Variants in CBLB observed in about 807,000 individuals in gnomAD.
The protein encoded by CBLB is Cbl proto-oncogene B.
CBLB carries 31 observed loss-of-function variants against 104.9 expected under a neutral mutation model. That is an observed-to-expected ratio of 0.30 (90% CI 0.22 to 0.40). The LOEUF (loss-of-function observed/expected upper bound fraction) is 0.40. CBLB is among the 10% of genes least tolerant of loss of function. The pLI, the probability that CBLB is intolerant of heterozygous loss-of-function variation, is 1.00. For synonymous variants in CBLB, 440 were observed against 422.6 expected (o/e 1.04, Z -0.51); for missense variants, 1,062 against 1,214.6 (o/e 0.87, Z 1.87).
chr3:105,830,271 A>T (rs557807110), intron 3 of CBLB, among the ~76,000 whole-genome samples: 119 of 152,234 alleles, frequency 7.8e-4, no homozygotes, highest in Admixed American at 1.3e-3. Flanking sequence ...TTGCCTAATA[A>T]GATTGCCCAT....
Position 105,819,732 on chromosome 3 carries a change from T to G in CBLB, c.419+33682A>C, listed in dbSNP as rs570359633. ...TGGACTCACTGTCTTACATAGAGAG[T>G]CTCAAACCATTCCAAAACTTCATTG... On this transcript the variant is annotated intron_variant, in intron 3 of 18. Coordinates refer to ENST00000394030, the MANE Select transcript of CBLB (RefSeq NM_170662.5). 2.0e-5 allele frequency among the ~76,000 whole-genome samples: 3 copies of G among 152,136 alleles called. No homozygotes were observed. The South Asian group carries it at 6.2e-4, about 32-fold the overall frequency.
At chr3:105,666,230 C>T (rs2064441192) in intron 18 of CBLB, among the ~76,000 whole-genome samples, 1 of 152,024 alleles carries the variant, frequency 6.6e-6, no homozygotes, top group Non-Finnish European at 1.5e-5. Context: ...ACCTTCTCAA[C>T]TATAACAATA....
intron 9 of CBLB, among the ~76,000 whole-genome samples, chr3:105,720,495 A>G (rs1164180803): frequency 6.6e-6 from 1 of 152,204 alleles, no homozygotes; most frequent in African/African-American, 2.4e-5. Flanking sequence ...TGATTTTCCC[A>G]AGAGAAGAAA....
intron 3 of CBLB, among the ~76,000 whole-genome samples, chr3:105,809,529 G>T (rs2083983616): frequency 1.3e-5 from 2 of 152,070 alleles, no homozygotes. Flanking sequence ...AGTCTACCAA[G>T]AATCACAAGC....
intron 7 of CBLB, among the ~76,000 whole-genome samples, chr3:105,739,039 C>G (rs972902281): frequency 6.6e-6 from 1 of 152,108 alleles, no homozygotes; most frequent in Non-Finnish European, 1.5e-5. Flanking sequence ...TCCAGAGTAG[C>G]GAGGACTACC....
intron 4 of CBLB, among the ~76,000 whole-genome samples, chr3:105,752,846 G>C (rs1032076293): frequency 6.6e-6 from 1 of 152,178 alleles, no homozygotes; most frequent in African/African-American, 2.4e-5. Context: ...GGTGGGGCCT[G>C]AACACTGACA....
intron 3 of CBLB, among the ~76,000 whole-genome samples, chr3:105,847,392 C>CCACACACACACACA (rs112192218): frequency 2.5e-4 from 36 of 143,538 alleles, no homozygotes; most frequent in Middle Eastern, 3.6e-3. Context: ...TAACCCTCCA[C>CCACACACACACACA]CACACACACA....
intron 16 of CBLB, 151 bp from the exon 17 acceptor site, chr3:105,678,722 G>C: frequency 1.2e-6 from 1 of 852,208 alleles, no homozygotes; most frequent in Non-Finnish European, 1.9e-6. Context: ...TTGATAATGG[G>C]ATCTAATTAT....
intron 10 of CBLB, among the ~76,000 whole-genome samples, chr3:105,704,422 A>G (rs766820141): frequency 1.3e-5 from 2 of 152,218 alleles, no homozygotes; most frequent in Non-Finnish European, 2.9e-5. Context: ...AAGAACAGCA[A>G]AAGTATAGTA....
intron 13 of CBLB, among the ~76,000 whole-genome samples, chr3:105,688,603 G>A (rs1051130868): frequency 2.0e-5 from 3 of 151,994 alleles, no homozygotes; most frequent in African/African-American, 7.2e-5. Context: ...AATCTTTAGA[G>A]CTTGCCCTAT....
chr3:105,830,290 T>A (rs752914934), intron 3 of CBLB, among the ~76,000 whole-genome samples: 5 of 152,240 alleles, frequency 3.3e-5, no homozygotes, highest in Non-Finnish European at 7.3e-5. Flanking sequence ...ATTGTTTATA[T>A]GACAGACATT....
chr3:105,700,926 T>C (rs1199667315), intron 12 of CBLB, among the ~76,000 whole-genome samples: 1 of 152,222 alleles, frequency 6.6e-6, no homozygotes, highest in Non-Finnish European at 1.5e-5. Context: ...TCACCAACTT[T>C]AACCATTATA....
rs115821848 is a variant in CBLB at position 105,746,899 on chromosome 3, T to C, written c.724-861A>G. Among the ~76,000 whole-genome samples the C allele has an allele frequency of 5.2e-3, 793 of 152,348 alleles. 5 individuals carry two copies. The highest frequency in any genetic ancestry group is 0.019 in the African/African-American group (773 of 41,574). On this transcript the variant is annotated intron_variant, in intron 5 of 18. Coordinates refer to ENST00000394030, the MANE Select transcript of CBLB (RefSeq NM_170662.5). ...CCAGGGATAATTGTCATTGAACAGA[T>C]AGATCCTCTAAATAGTGACTTGTGT...
intron 6 of CBLB, among the ~76,000 whole-genome samples, chr3:105,742,508 T>C (rs2075707707): frequency 6.6e-6 from 1 of 151,980 alleles, no homozygotes; most frequent in South Asian, 2.1e-4. Flanking sequence ...AAACTGAAAA[T>C]AGGATATCAA....
chr3:105,834,289 T>C (rs2088073896), intron 3 of CBLB, among the ~76,000 whole-genome samples: 2 of 152,216 alleles, frequency 1.3e-5, no homozygotes, highest in South Asian at 4.1e-4. Context: ...ATTAGCTTGA[T>C]TTAGCCATTC....
chr3:105,781,646 G>A (rs998007307), intron 3 of CBLB, among the ~76,000 whole-genome samples: 5 of 152,144 alleles, frequency 3.3e-5, no homozygotes, highest in Admixed American at 3.3e-4. Context: ...TAATTAGATT[G>A]CATGTAGTCC....
intron 3 of CBLB, among the ~76,000 whole-genome samples, chr3:105,827,082 A>G (rs1241850454): frequency 6.6e-6 from 1 of 152,182 alleles, no homozygotes; most frequent in African/African-American, 2.4e-5. Flanking sequence ...GTAATATAAT[A>G]TGGCGCTCCT....
intron 3 of CBLB, among the ~76,000 whole-genome samples, chr3:105,833,486 T>C (rs1002930970): frequency 2.4e-4 from 36 of 152,186 alleles, no homozygotes; most frequent in Admixed American, 2.3e-3. Flanking sequence ...TACTTTTTTT[T>C]TACAACTCAT....
chr3:105,701,283 T>C (rs1223933796), intron 12 of CBLB, among the ~76,000 whole-genome samples: 1 of 152,110 alleles, frequency 6.6e-6, no homozygotes, highest in Non-Finnish European at 1.5e-5. Context: ...GAAAAGAACT[T>C]GGGAAAAGAA....
Sources: allele counts gnomAD v4.1 joint callset (sites outside exome capture counted in the v4.1 genomes callset), GRCh38; gene constraint gnomAD v4.1.1; transcripts MANE v1.5; gene names NCBI Gene and HGNC (gene_info 2026-07-23, HGNC 2026-07-21).